The following NT5DC3 variants were observed in gnomAD, a reference collection of about 807,000 sequenced individuals.
NT5DC3 encodes the protein 5'-nucleotidase domain-containing protein 3.
NT5DC3 carries 42 observed loss-of-function variants against 67.8 expected under a neutral mutation model. That is an observed-to-expected ratio of 0.62 (90% confidence interval 0.48 to 0.80). The LOEUF is 0.80. Among genes scored for constraint, NT5DC3 ranks in the 30% least tolerant of loss-of-function variants. NT5DC3 has a pLI of 0.00. For missense variants in NT5DC3, 570 were observed against 696.4 expected, an observed-to-expected ratio of 0.82 and a Z score of 2.04; for synonymous variants, 237 against 255.6, an observed-to-expected ratio of 0.93 and a Z score of 0.69.
chr12:103,785,253 C>A lies in NT5DC3; in HGVS notation c.1329+82G>T. Reference sequence around the variant, plus strand: ...ACAACTTAAGCCTCATATTTTATAACAATTAAGCAGAAAATACCTGAAGTA... The same window carrying A: ...ACAACTTAAGCCTCATATTTTATAAAAATTAAGCAGAAAATACCTGAAGTA... On this transcript the variant is annotated intron_variant, in intron 12 of 13. Transcript: ENST00000392876. 17 of 1,351,022 alleles carry A rather than the reference C, an allele frequency of 1.3e-5. No individual in the cohort carries two copies. The South Asian group carries it at 2.1e-4, about 16-fold the overall frequency. 83.7% of individuals were successfully genotyped at this position (1,351,022 alleles called of 1,614,324 possible).
the NT5DC3 span, among the ~76,000 whole-genome samples, chr12:103,765,085 T>TA: frequency 3.1e-5 from 2 of 65,342 alleles, no homozygotes; most frequent in East Asian, 9.9e-4. Context: ...AGACTCTGTC[T>TA]CAAAAAAAAA....
downstream of NT5DC3, among the ~76,000 whole-genome samples, chr12:103,772,005 G>A (rs75109975): frequency 2.9e-3 from 438 of 152,246 alleles, 2 homozygotes; most frequent in African/African-American, 0.01. Flanking sequence ...ATATCCATGG[G>A]AGGAATGACA....
intron 1 of NT5DC3, among the ~76,000 whole-genome samples, chr12:103,834,476 T>G (rs1205941053): frequency 4.0e-5 from 6 of 151,888 alleles, no homozygotes; most frequent in Admixed American, 6.6e-5. Flanking sequence ...ACACGACAAC[T>G]AAATGTAGTG....
In NT5DC3 at chr12:103,793,983, G is replaced by A. The variant is rs376045033; in HGVS notation, c.768C>T (p.Asp256=). ...LYKDVKDSIR[D]VHIKGIMYRA... is the part of the protein sequence containing the mutation. Reference sequence around the variant, plus strand: ...TGTACATTATTCCTTTGATGTGGACGTCTCGAATTGAATCCTGCCAAAAGA... The same window carrying A: ...TGTACATTATTCCTTTGATGTGGACATCTCGAATTGAATCCTGCCAAAAGA... Residue 256 remains aspartate, a synonymous_variant, in exon 7 of 14, where the codon GAC becomes GAT. Transcript: ENST00000392876. 2.8e-4 allele frequency: 459 copies of A among 1,613,232 alleles called. No homozygotes were observed. The highest frequency in any genetic ancestry group is 3.3e-4 in the Non-Finnish European group (393 of 1,179,318).
downstream of NT5DC3, among the ~76,000 whole-genome samples, chr12:103,767,940 T>C (rs1885055425): frequency 6.6e-6 from 1 of 150,472 alleles, no homozygotes; most frequent in Non-Finnish European, 1.5e-5. Context: ...AAAAAAATAA[T>C]AGCTGGGCAT....
intron 1 of NT5DC3, among the ~76,000 whole-genome samples, chr12:103,830,597 A>G (rs983869599): frequency 3.3e-5 from 5 of 152,214 alleles, no homozygotes; most frequent in African/African-American, 1.2e-4. Flanking sequence ...TAATGTTCTC[A>G]GAGTTATCCC....
At chr12:103,826,949 A>G (rs1253569475) in intron 1 of NT5DC3, among the ~76,000 whole-genome samples, 9 of 152,236 alleles carry the variant, frequency 5.9e-5, no homozygotes, top group Admixed American at 5.9e-4. Context: ...TAAATGAATC[A>G]ATAAATACAT....
intron 1 of NT5DC3, among the ~76,000 whole-genome samples, chr12:103,829,706 G>A (rs1887843004): frequency 6.6e-6 from 1 of 151,774 alleles, no homozygotes; most frequent in Non-Finnish European, 1.5e-5. Flanking sequence ...CCCACTTTTG[G>A]ACTGATTTCA....
chr12:103,785,770 A>G (rs1228481911), intron 11 of NT5DC3: 1 of 405,878 alleles, frequency 2.5e-6, no homozygotes, highest in African/African-American at 2.2e-5. Context: ...AAAAAAAAAA[A>G]AAAAAAAAAA....
the NT5DC3 span, chr12:103,763,665 C>G: frequency 3.4e-6 from 5 of 1,450,742 alleles, no homozygotes; most frequent in Admixed American, 7.4e-5. Flanking sequence ...GGAATGATGT[C>G]TTTTAGGAAA....
chr12:103,748,406 G>A, the NT5DC3 span, among the ~76,000 whole-genome samples: 1 of 152,162 alleles, frequency 6.6e-6, no homozygotes, highest in Non-Finnish European at 1.5e-5. Flanking sequence ...AGGCAGCACA[G>A]TGAGGAAAGC....
the NT5DC3 span, among the ~76,000 whole-genome samples, chr12:103,756,619 C>A: frequency 6.6e-6 from 1 of 152,210 alleles, no homozygotes; most frequent in Non-Finnish European, 1.5e-5. Flanking sequence ...TCTCAGACTG[C>A]CTGGTTCCAG....
chr12:103,820,869 T>G (rs963513549), intron 1 of NT5DC3: 1 of 152,242 alleles, frequency 6.6e-6, no homozygotes, highest in African/African-American at 2.4e-5. Flanking sequence ...AGGCTGCCTG[T>G]GGTAAGCGAT....
the NT5DC3 span, chr12:103,762,392 A>G: frequency 1.9e-6 from 3 of 1,614,240 alleles, no homozygotes; most frequent in Non-Finnish European, 8.5e-7. Flanking sequence ...ATCGGCTTCC[A>G]GCATTTTGAG....
At chr12:103,765,213 A>C in the NT5DC3 span, among the ~76,000 whole-genome samples, 3 of 151,980 alleles carry the variant, frequency 2.0e-5, no homozygotes, top group Non-Finnish European at 4.4e-5. Flanking sequence ...CATCCTCTCC[A>C]ATGCACCCCA....
intron 4 of NT5DC3, 151 bp from the exon 5 acceptor site, chr12:103,798,828 C>T (rs994507766): frequency 3.2e-6 from 2 of 618,414 alleles, no homozygotes; most frequent in Non-Finnish European, 5.8e-6. Flanking sequence ...CCACAAATAT[C>T]AGGTAAGATG....
rs747533314 is a variant in NT5DC3, at chr12:103,778,017, T to C, written c.1459A>G (p.Thr487Ala). 5.0e-6 allele frequency: 8 copies of C among 1,614,166 alleles called. No homozygotes were observed. The highest frequency in any genetic ancestry group is 2.2e-5 in the East Asian group (1 of 44,874). Reference protein sequence around the residue: ...GSLFRTDQNPTYFLRRLSRFA... With the variant: ...GSLFRTDQNPAYFLRRLSRFA... Reference sequence around the variant, plus strand: ...CGCGACAGGCGCCTTAGGAAGTAGGTTGGGTTCTGGTCTGTGCGGAACAGG... The same window carrying C: ...CGCGACAGGCGCCTTAGGAAGTAGGCTGGGTTCTGGTCTGTGCGGAACAGG... Residue 487 changes from threonine to alanine, a missense_variant, in exon 14 of 14, where the codon ACC (threonine) becomes GCC (alanine). By Grantham distance (58) the Thr-to-Ala change is moderately conservative. This residue lies in a region of NT5DC3 where 466 missense variants were observed against 608.0 expected (regional missense o/e 0.77). Coordinates refer to ENST00000392876, the MANE Select transcript of NT5DC3 (RefSeq NM_001031701.3).
At chr12:103,763,155 T>C in the NT5DC3 span, among the ~76,000 whole-genome samples, 1 of 152,172 alleles carries the variant, frequency 6.6e-6, no homozygotes, top group East Asian at 1.9e-4. Context: ...AGTTAAAGGA[T>C]AGGCAACACC....
intron 1 of NT5DC3, among the ~76,000 whole-genome samples, chr12:103,816,789 A>C (rs1206385551): frequency 6.6e-6 from 1 of 152,128 alleles, no homozygotes; most frequent in Admixed American, 6.5e-5. Context: ...TGATTTTTTA[A>C]AAGACTAAAT....
Sources: allele counts gnomAD v4.1 joint callset (sites outside exome capture counted in the v4.1 genomes callset), GRCh38; gene constraint gnomAD v4.1.1; regional missense constraint gnomAD v4.1.1; transcripts MANE v1.5; gene names NCBI Gene and HGNC (gene_info 2026-07-23, HGNC 2026-07-21).